ABCA5: variants seen among roughly 807,000 people sequenced by gnomAD.
ABCA5 encodes the protein cholesterol transporter ABCA5.
Under a neutral mutation model 206.0 loss-of-function variants are expected in ABCA5, and 163 were observed. That is an observed-to-expected ratio of 0.79 (90% confidence interval 0.70 to 0.90). ABCA5 has a LOEUF of 0.90. Ranked by LOEUF, ABCA5 falls within the 40% of genes least tolerant of loss-of-function variation. The probability of loss-of-function intolerance (pLI) is 0.00; values close to 1 mark genes in which losing one functional copy is unlikely to be tolerated. For synonymous variants in ABCA5, 609 were observed against 613.8 expected, an observed-to-expected ratio of 0.99 and a Z score of 0.11; for missense variants, 1,859 against 1,912.9, an observed-to-expected ratio of 0.97 and a Z score of 0.53.
At chr17:69,302,512 A>C (rs566858115) in intron 8 of ABCA5, among the ~76,000 whole-genome samples, 1 of 152,350 alleles carries the variant, frequency 6.6e-6, no homozygotes, top group South Asian at 2.1e-4. Context: ...AAAAATTTAT[A>C]AACAGAACAT....
chr17:69,275,790 C>G (rs2075325031), intron 19 of ABCA5, among the ~76,000 whole-genome samples: 1 of 152,074 alleles, frequency 6.6e-6, no homozygotes, highest in South Asian at 2.1e-4. Context: ...AATGGGACTT[C>G]GGAAAGGTAA....
chr17:69,250,411 T>C, intron 36 of ABCA5, 61 bp downstream of exon 36: 1 of 1,463,236 alleles, frequency 6.8e-7, no homozygotes, highest in Non-Finnish European at 9.2e-7. Flanking sequence ...ATCCTTAATA[T>C]AATAACTTTT....
chr17:69,293,735 A>C (rs893434961), intron 11 of ABCA5, among the ~76,000 whole-genome samples: 2 of 151,908 alleles, frequency 1.3e-5, no homozygotes, highest in Non-Finnish European at 2.9e-5. Context: ...TGAGTTTCCA[A>C]CCTGCCTTAC....
chr17:69,261,053 G>T (rs986205030), intron 26 of ABCA5, 72 bp downstream of exon 26: 2 of 1,319,972 alleles, frequency 1.5e-6, no homozygotes, highest in East Asian at 5.2e-5. Flanking sequence ...TTCTATACAA[G>T]AACTAACATC....
At position 69,304,633 on chromosome 17, in the gene ABCA5, C is replaced by T. The variant is rs755032760; in HGVS notation, c.930+36G>A. 4.8e-6 allele frequency: 7 copies of T among 1,473,354 alleles called. No homozygotes were observed. The Admixed American group carries it at 1.4e-4, about 30-fold the overall frequency. 91.3% of individuals were successfully genotyped at this position (1,473,354 alleles called of 1,614,324 possible). On this transcript the variant is annotated intron_variant, in intron 7 of 38. Transcript: ENST00000392676. ...TTTGCTATGTTATCAAACATTTTGA[C>T]AGTTCTTTATTCCTATCACAAGTTA...
intron 28 of ABCA5, among the ~76,000 whole-genome samples, chr17:69,258,936 TA>T (rs35682855): frequency 6.6e-6 from 1 of 151,964 alleles, no homozygotes; most frequent in African/African-American, 2.4e-5. Context: ...GAAGAATATG[TA>T]AAAAAGACAA....
Position 69,250,622 on chromosome 17 carries a change from C to A in ABCA5, c.4536-1G>T. On this transcript the variant is annotated splice_acceptor_variant, in intron 35 of 38. Transcript: ENST00000392676. LOFTEE classifies it high-confidence loss of function. ...TAGATGTTGTACTGTTCCGATACAT[C>A]TGAAGTAATTTTTTAAAAGAAAGCT... 1 of 1,536,226 alleles carries A rather than the reference C, an allele frequency of 6.5e-7. No homozygotes were observed.
chr17:69,261,771 T>C lies in ABCA5; in HGVS notation c.3316-23A>G, dbSNP rs758643749. On this transcript the variant is annotated intron_variant, in intron 24 of 38. Transcript: ENST00000392676. ...AACCTGTAAATCAGAAATATGTTTC[T>C]ATAAAAATATGAATAGCTTGCAATA... The C allele has an allele frequency of 9.4e-5, 100 of 1,069,504 alleles. 1 individual carries two copies. In the Middle Eastern group the frequency reaches 2.7e-3, roughly 29 times the overall value. 66.3% of individuals were successfully genotyped at this position (1,069,504 alleles called of 1,614,324 possible). A position where few individuals can be genotyped will look rare whatever the true frequency, so the allele number is the denominator to read the frequency against.
At position 69,291,293 on chromosome 17, in the gene ABCA5, G is replaced by C; in HGVS notation, c.1529C>G (p.Thr510Ser). Residue 510 changes from threonine (T) to serine (S), a missense_variant, in exon 12 of 39, where the codon ACT (threonine) becomes AGT (serine). Physicochemically the swap from Thr to Ser is moderately conservative, Grantham distance 58. Transcript: ENST00000392676. ...LSFDIYEGQI[T>S]ALLGHSGTGK... ...TGTTCCACTGTGGCCAAGTAAGGCA[G>C]TAATCTGACCCTCATATATGTCAAA... is the stretch of plus-strand genomic sequence containing the variant. The C allele has an allele frequency of 6.2e-7, 1 of 1,611,178 alleles. No homozygotes were observed. The highest frequency in any genetic ancestry group is 1.1e-5 in the South Asian group (1 of 90,830).
In ABCA5 at chr17:69,302,706, T is replaced by C. The variant is rs770111610; in HGVS notation, c.1119+12A>G. The C allele has an allele frequency of 6.8e-7, 1 of 1,472,222 alleles. No homozygotes were observed. Among genetic ancestry groups the C allele is most frequent in the South Asian group, 1.6e-5 (1 of 64,392 alleles). 91.2% of individuals were successfully genotyped at this position (1,472,222 alleles called of 1,614,324 possible). On this transcript the variant is annotated intron_variant, in intron 8 of 38. Coordinates refer to ENST00000392676, the MANE Select transcript of ABCA5 (RefSeq NM_172232.4). ...AAATATTTAGTGAATGCAAGATTAA[T>C]ATATTACCTACCTGTGCAATACCAA...
chr17:69,280,387 G>C (rs1454744300), intron 18 of ABCA5, among the ~76,000 whole-genome samples: 1 of 151,282 alleles, frequency 6.6e-6, no homozygotes, highest in Non-Finnish European at 1.5e-5. Flanking sequence ...GGAAACAACA[G>C]GTGCTGGAGA....
chr17:69,319,859 A>G (rs146185858), intron 1 of ABCA5, among the ~76,000 whole-genome samples: 1 of 152,348 alleles, frequency 6.6e-6, no homozygotes, highest in East Asian at 1.9e-4. Flanking sequence ...ATTAACAAAC[A>G]TAAGAACTAA....
At position 69,271,220 on chromosome 17, in the gene ABCA5, C is replaced by T; in HGVS notation, c.2834G>A (p.Ser945Asn). Residue 945 changes from serine to asparagine, a missense_variant, in exon 21 of 39, where the codon AGT (serine) becomes AAT (asparagine). Physicochemically the swap from Ser to Asn is conservative, Grantham distance 46. Coordinates refer to ENST00000392676, the MANE Select transcript of ABCA5 (RefSeq NM_172232.4). ...QNIMVTMINDSDYVSVAPHSA... is the reference protein window; with the variant it reads ...QNIMVTMINDNDYVSVAPHSA... ...ATGGGGAGCCACGGATACATAGTCA[C>T]TGTCATTAATCATCGTCACCATTAT... 6.2e-7 allele frequency: 1 copy of T among 1,613,498 alleles called. No individual in the cohort carries two copies. Among genetic ancestry groups the T allele is most frequent in the Non-Finnish European group, 8.5e-7 (1 of 1,179,624 alleles).
In ABCA5 at chr17:69,274,131, G is replaced by C; in HGVS notation, c.2595-3C>G. 6.5e-7 allele frequency: 1 copy of C among 1,530,710 alleles called. No individual in the cohort carries two copies. Among genetic ancestry groups the C allele is most frequent in the Non-Finnish European group, 8.7e-7 (1 of 1,146,224 alleles). 94.8% of individuals were successfully genotyped at this position (1,530,710 alleles called of 1,614,324 possible). On this transcript the variant is annotated splice_polypyrimidine_tract_variant and splice_region_variant and intron_variant, in intron 19 of 38. Transcript: ENST00000392676. ...AAAAAATTAAAAGCAGAAGCAACCTGAAAAGAAAAAAAAAACAACACAGCT... is the reference window on the plus strand; with the variant it reads ...AAAAAATTAAAAGCAGAAGCAACCTCAAAAGAAAAAAAAAACAACACAGCT...
At chr17:69,318,390 T>C (rs745474819) in intron 1 of ABCA5, among the ~76,000 whole-genome samples, 4 of 152,138 alleles carry the variant, frequency 2.6e-5, no homozygotes, top group African/African-American at 9.7e-5. Flanking sequence ...CCACCGTGCC[T>C]GGTCCATAAT....
At chr17:69,316,736 C>T (rs2075820337) in intron 1 of ABCA5, among the ~76,000 whole-genome samples, 1 of 152,108 alleles carries the variant, frequency 6.6e-6, no homozygotes, top group Admixed American at 6.5e-5. Flanking sequence ...AATTAGACTG[C>T]TGAAAATTAA....
chr17:69,294,673 T>G lies in ABCA5; in HGVS notation c.1477A>C (p.Asn493His), dbSNP rs1225389096. 1.2e-6 allele frequency: 2 copies of G among 1,606,902 alleles called. No individual in the cohort carries two copies. The highest frequency in any genetic ancestry group is 4.5e-5 in the East Asian group (2 of 44,756). Reference sequence around the variant, plus strand: ...TACTTACTTCTCAAAGCCTCCACATTTTCACCCTTCTTTCTGTATGTCTTC... The same window carrying G: ...TACTTACTTCTCAAAGCCTCCACATGTTCACCCTTCTTTCTGTATGTCTTC... ...IQKTYRKKGE[N>H]VEALRNLSFD... Residue 493 changes from asparagine to histidine, a missense_variant, in exon 11 of 39, where the codon AAT (asparagine) becomes CAT (histidine). By Grantham distance (68) the Asn-to-His change is moderately conservative. Coordinates refer to ENST00000392676, the MANE Select transcript of ABCA5 (RefSeq NM_172232.4).
chr17:69,251,947 T>G, intron 34 of ABCA5, 81 bp from the exon 35 acceptor site: 4 of 1,481,742 alleles, frequency 2.7e-6, no homozygotes, highest in Non-Finnish European at 3.7e-6. Flanking sequence ...TCCAACCGGT[T>G]GGTTAATTAA....
chr17:69,263,804 C>T (rs1401292333), intron 24 of ABCA5, among the ~76,000 whole-genome samples: 1 of 148,892 alleles, frequency 6.7e-6, no homozygotes. Context: ...TCAAGCGATT[C>T]TCCTGCCTCA....
Sources: gnomAD v4.1 joint callset for allele counts (sites outside exome capture counted in the v4.1 genomes callset) on GRCh38, gnomAD v4.1.1 for gene constraint, MANE v1.5 for transcripts, NCBI Gene and HGNC (gene_info 2026-07-23, HGNC 2026-07-21) for gene names.